AIMP1: variants seen among roughly 807,000 people sequenced by gnomAD.
AIMP1 encodes aminoacyl tRNA synthase complex-interacting multifunctional protein 1.
In AIMP1, 24 loss-of-function variants were observed where a neutral mutation model predicts 33.1. The ratio of observed to expected loss-of-function variants is 0.73; its 90% CI spans 0.53 to 1.02. The LOEUF is 1.02. Ranked by LOEUF, AIMP1 falls within the 50% of genes least tolerant of loss-of-function variation. The pLI is 0.00. For synonymous variants in AIMP1, 120 were observed against 121.5 expected, an observed-to-expected ratio of 0.99 and a Z score of 0.08; for missense variants, 367 against 364.8, an observed-to-expected ratio of 1.01 and a Z score of -0.05.
chr4:106,335,486 C>T (rs1486425062), intron 5 of AIMP1, among the ~76,000 whole-genome samples: 1 of 151,536 alleles, frequency 6.6e-6, no homozygotes, highest in African/African-American at 2.4e-5. Context: ...AAAGTAGGGA[C>T]ACTTAGAATT....
chr4:106,331,536 T>C, intron 4 of AIMP1, 136 bp from the exon 5 acceptor site: 2 of 712,614 alleles, frequency 2.8e-6, no homozygotes. Context: ...TTGTTATTAT[T>C]TAAGTGAAGG....
At chr4:106,333,683 T>G (rs1317010461) in intron 5 of AIMP1, among the ~76,000 whole-genome samples, 1 of 152,190 alleles carries the variant, frequency 6.6e-6, no homozygotes, top group East Asian at 1.9e-4. Context: ...TATTTAAAAT[T>G]TAATTCTTTC....
intron 2 of AIMP1, among the ~76,000 whole-genome samples, chr4:106,327,172 CTTAG>C (rs1013103246): frequency 6.6e-6 from 1 of 152,154 alleles, no homozygotes; most frequent in African/African-American, 2.4e-5. Flanking sequence ...GTAATTTGAT[CTTAG>C]TTAGCATCTT....
chr4:106,345,989 T>C (rs1770282196), intron 6 of AIMP1, among the ~76,000 whole-genome samples: 1 of 151,232 alleles, frequency 6.6e-6, no homozygotes, highest in South Asian at 2.1e-4. Context: ...GAAAAAAAGA[T>C]CTAGAAGGTT....
At chr4:106,329,842 G>A (rs1185133009) in intron 4 of AIMP1, among the ~76,000 whole-genome samples, 4 of 126,676 alleles carry the variant, frequency 3.2e-5, no homozygotes, top group Non-Finnish European at 4.7e-5. Context: ...CTGGAATACA[G>A]TGGCATAATC....
chr4:106,323,395 A>T (rs1174548452), intron 1 of AIMP1, among the ~76,000 whole-genome samples: 2 of 152,036 alleles, frequency 1.3e-5, no homozygotes, highest in Non-Finnish European at 2.9e-5. Context: ...TGGCTTATTT[A>T]TGAGCATTAT....
chr4:106,336,614 T>C (rs1769893720), intron 5 of AIMP1, among the ~76,000 whole-genome samples: 1 of 152,202 alleles, frequency 6.6e-6, no homozygotes, highest in African/African-American at 2.4e-5. Context: ...ACTCATTTAT[T>C]CATTGAGTAA....
chr4:106,343,614 G>C (rs986857287), intron 6 of AIMP1, among the ~76,000 whole-genome samples: 1 of 151,870 alleles, frequency 6.6e-6, no homozygotes, highest in Non-Finnish European at 1.5e-5. Flanking sequence ...ACATTTTTTT[G>C]GAGATTACAT....
chr4:106,336,987 C>A lies in AIMP1; in HGVS notation c.722C>A (p.Pro241His). The change falls in exon 6 of 7, where the codon CCT becomes CAT. Residue 241 changes from proline (P) to histidine (H), a missense_variant. Pro to His is a moderately conservative substitution (Grantham distance 77). Transcript: ENST00000672341. The stretch of plus-strand genomic sequence containing the variant: ...CCAGAGAAAATTGAAATCTTGGCTC[C>A]TCCAAATGGGTCTGTTCCTGGAGAC... ...SSPEKIEILA[P>H]PNGSVPGDRI... 6.2e-7 allele frequency: 1 copy of A among 1,614,122 alleles called. No individual in the cohort carries two copies. The highest frequency in any genetic ancestry group is 8.5e-7 in the Non-Finnish European group (1 of 1,179,986).
intron 5 of AIMP1, among the ~76,000 whole-genome samples, chr4:106,332,882 C>A (rs1315781575): frequency 6.6e-6 from 1 of 151,894 alleles, no homozygotes; most frequent in Admixed American, 6.6e-5. Context: ...AACTGCTGGG[C>A]CAAGGAAAGA....
At chr4:106,345,307 G>T (rs939103446) in intron 6 of AIMP1, among the ~76,000 whole-genome samples, 1 of 152,146 alleles carries the variant, frequency 6.6e-6, no homozygotes, top group African/African-American at 2.4e-5. Context: ...TTGGGCCAAG[G>T]TTGCAAAGGT....
intron 5 of AIMP1, 149 bp downstream of exon 5, chr4:106,332,032 CAAAA>C (rs775540660): frequency 3.5e-5 from 26 of 747,104 alleles, no homozygotes; most frequent in Non-Finnish European, 5.4e-5. Context: ...GTTAATTACA[CAAAA>C]AAAGCATAAA....
At chr4:106,344,690 C>T (rs972247414) in intron 6 of AIMP1, among the ~76,000 whole-genome samples, 6 of 152,210 alleles carry the variant, frequency 3.9e-5, no homozygotes, top group African/African-American at 1.2e-4. Flanking sequence ...AGAGTACAAG[C>T]CCAGGTTCTT....
rs36110860 is a variant in AIMP1 at position 106,328,121 on chromosome 4, C to A, written c.269C>A (p.Ser90Tyr). ...TCTGGTACTCCACTGCACGCTAATT[C>A]TATGGTTTCTGAAAATGTGATACAG... is the stretch of plus-strand genomic sequence containing the variant. ...FPSGTPLHAN[S>Y]MVSENVIQST... Residue 90 changes from serine (S) to tyrosine (Y), a missense_variant, in exon 4 of 7, where the codon TCT (serine) becomes TAT (tyrosine). Coordinates refer to ENST00000672341, the MANE Select transcript of AIMP1 (RefSeq NM_001142416.2). The A allele has an allele frequency of 6.8e-6, 11 of 1,613,430 alleles. No homozygotes were observed. The East Asian group carries it at 2.0e-4, about 29-fold the overall frequency.
At position 106,347,696 on chromosome 4, in the gene AIMP1, G is replaced by C; in HGVS notation, c.*4G>C. 2 of 1,612,134 alleles carry C rather than the reference G, an allele frequency of 1.2e-6. No homozygotes were observed. Among genetic ancestry groups the C allele is most frequent in the Non-Finnish European group, 1.7e-6 (2 of 1,179,064 alleles). On this transcript the variant is annotated 3_prime_UTR_variant, in exon 7 of 7. Transcript: ENST00000672341. ...GAGCAACAGTGGAATCAAATAAAAT[G>C]CTTCCACTACCAAAAGACATTAGAG... is the stretch of plus-strand genomic sequence containing the variant.
At chr4:106,334,523 C>G (rs2125925222) in intron 5 of AIMP1, among the ~76,000 whole-genome samples, 1 of 152,066 alleles carries the variant, frequency 6.6e-6, no homozygotes, top group African/African-American at 2.4e-5. Flanking sequence ...CCTTGGCCTC[C>G]CAAAATGCTG....
intron 1 of AIMP1, 49 bp from the exon 2 acceptor site, chr4:106,324,936 A>C: frequency 6.7e-7 from 1 of 1,482,712 alleles, no homozygotes; most frequent in Non-Finnish European, 9.1e-7. Flanking sequence ...CCTATAGTAT[A>C]AATTTATTCC....
At position 106,335,559 on chromosome 4, in the gene AIMP1, G is replaced by A. The variant is rs150708105; in HGVS notation, c.604-1310G>A. ...TCTAGGGAAAAGTTTCATAGCTATC[G>A]TCAGATCCTTAAAGGATTGCATCTT... On this transcript the variant is annotated intron_variant, in intron 5 of 6. Coordinates refer to ENST00000672341, the MANE Select transcript of AIMP1 (RefSeq NM_001142416.2). Among the ~76,000 whole-genome samples, 403 of 152,150 alleles carry A rather than the reference G, an allele frequency of 2.6e-3. 2 individuals carry two copies. The highest frequency in any genetic ancestry group is 9.3e-3 in the African/African-American group (388 of 41,502).
Position 106,331,701 on chromosome 4 carries a change from A to G in AIMP1, c.421A>G (p.Ile141Val), listed in dbSNP as rs1357311838. ...GAAGAAGGAGAAAAAACAGCAATCA[A>G]TAGCTGGAAGTGCCGACTCTAAGCC... ...GEKKEKKQQS[I>V]AGSADSKPID... is the part of the protein sequence containing the mutation. The change falls in exon 5 of 7, where the codon ATA becomes GTA. Residue 141 changes from isoleucine (I) to valine (V), a missense_variant. Physicochemically the swap from Ile to Val is conservative, Grantham distance 29 (BLOSUM62 3). Coordinates refer to ENST00000672341, the MANE Select transcript of AIMP1 (RefSeq NM_001142416.2). The G allele has an allele frequency of 6.2e-7, 1 of 1,614,112 alleles. No homozygotes were observed. Among genetic ancestry groups the G allele is most frequent in the Non-Finnish European group, 8.5e-7 (1 of 1,179,982 alleles).
Sources: allele counts gnomAD v4.1 joint callset (sites outside exome capture counted in the v4.1 genomes callset), GRCh38; gene constraint gnomAD v4.1.1; transcripts MANE v1.5; gene names NCBI Gene and HGNC (gene_info 2026-07-23, HGNC 2026-07-21).